The following WDFY4 variants were observed in gnomAD, a reference collection of about 807,000 sequenced individuals.
WDFY4 encodes WD repeat- and FYVE domain-containing protein 4.
WDFY4 carries 169 observed loss-of-function variants against 351.9 expected under a neutral mutation model. The observed-to-expected ratio is 0.48, with a 90% CI of 0.42 to 0.55. The LOEUF (loss-of-function observed/expected upper bound fraction) is 0.55. WDFY4 is among the 20% of genes least tolerant of loss of function. The pLI, the probability that WDFY4 is intolerant of heterozygous loss-of-function variation, is 0.00. For missense variants in WDFY4, 3,803 were observed against 3,935.6 expected, an observed-to-expected ratio of 0.97 and a Z score of 0.90; for synonymous variants, 1,622 against 1,574.6, an observed-to-expected ratio of 1.03 and a Z score of -0.71.
chr10:48,754,825 A>G (rs1342026021), intron 12 of WDFY4, among the ~76,000 whole-genome samples: 2 of 152,174 alleles, frequency 1.3e-5, no homozygotes, highest in Non-Finnish European at 2.9e-5. Context: ...CACCTTAGCT[A>G]CTCTGAGGAC....
At chr10:48,743,883 G>C (rs2064933469) in intron 12 of WDFY4, among the ~76,000 whole-genome samples, 1 of 152,022 alleles carries the variant, frequency 6.6e-6, no homozygotes, top group Admixed American at 6.5e-5. Context: ...GGCATCCCTG[G>C]GTGTGCCAGG....
intron 47 of WDFY4, among the ~76,000 whole-genome samples, chr10:48,927,128 G>A (rs1045746240): frequency 6.6e-6 from 1 of 152,142 alleles, no homozygotes; most frequent in African/African-American, 2.4e-5. Context: ...GATTTTTACC[G>A]TGTGAGCTCA....
rs551518422 is a variant in WDFY4 at position 48,867,409 on chromosome 10, T to C, written c.6741+67T>C. ...AATCCACCTTGAACCTGAAAAATAA[T>C]TGGAAGGGCCTTTGGTTTACGTTCT... On this transcript the variant is annotated intron_variant, in intron 40 of 61. Coordinates refer to ENST00000325239, the MANE Select transcript of WDFY4 (RefSeq NM_001394531.1). 5 of 1,122,756 alleles carry C rather than the reference T, an allele frequency of 4.5e-6. No individual in the cohort carries two copies. In the South Asian group the frequency reaches 7.5e-5, roughly 17 times the overall value. The allele number at this position is 1,122,756 out of a possible 1,614,324, so 69.5% of individuals were successfully genotyped here. A position where few individuals can be genotyped will look rare whatever the true frequency, so the allele number is the denominator to read the frequency against.
At chr10:48,821,734 A>T (rs532358134) in intron 34 of WDFY4, among the ~76,000 whole-genome samples, 2 of 152,252 alleles carry the variant, frequency 1.3e-5, no homozygotes, top group East Asian at 3.9e-4. Context: ...CCTACTCTGG[A>T]CTTCTCCTTG....
At chr10:48,848,820 A>G (rs942018577) in intron 39 of WDFY4, among the ~76,000 whole-genome samples, 1 of 152,192 alleles carries the variant, frequency 6.6e-6, no homozygotes. Flanking sequence ...CATGACAACA[A>G]TTAGTTTACA....
chr10:48,831,090 G>A (rs1159512639), intron 38 of WDFY4, among the ~76,000 whole-genome samples: 2 of 152,114 alleles, frequency 1.3e-5, no homozygotes, highest in Non-Finnish European at 2.9e-5. Flanking sequence ...TGAAAGCAAG[G>A]CCACAGGAGC....
At chr10:48,928,720 G>A (rs1373200616) in intron 47 of WDFY4, among the ~76,000 whole-genome samples, 1 of 152,194 alleles carries the variant, frequency 6.6e-6, no homozygotes. Context: ...GTCCACTGGA[G>A]CACCCCATCT....
chr10:48,695,015 G>C (rs2063295528), intron 1 of WDFY4, among the ~76,000 whole-genome samples: 1 of 152,148 alleles, frequency 6.6e-6, no homozygotes, highest in Non-Finnish European at 1.5e-5. Flanking sequence ...GGGTGATCCT[G>C]CTCCTTGCAT....
intron 43 of WDFY4, among the ~76,000 whole-genome samples, chr10:48,889,450 AGTAGGT>A (rs1204860258): frequency 6.6e-6 from 1 of 152,138 alleles, no homozygotes; most frequent in Non-Finnish European, 1.5e-5. Flanking sequence ...TGTGTCACTT[AGTAGGT>A]GGCTGATCTT....
chr10:48,941,973 TA>T lies in WDFY4; in HGVS notation c.7629+126del, dbSNP rs200106437. ...GGATCTTATTATTTATTATTATTAT[TA>T]TTTCTTTGAGATGGAGTTTCACTCT... On this transcript the variant is annotated intron_variant, in intron 48 of 61. Coordinates refer to ENST00000325239, the MANE Select transcript of WDFY4 (RefSeq NM_001394531.1). 4,291 of 972,508 alleles carry T rather than the reference TA, an allele frequency of 4.4e-3. 110 individuals carry two copies. The African/African-American group carries it at 0.063, about 14-fold the overall frequency. The allele number at this position is 972,508 out of a possible 1,614,324, so 60.2% of individuals were successfully genotyped here.
rs149707717 is a variant in WDFY4, at chr10:48,890,737, C to T, written c.7316+10C>T. On this transcript the variant is annotated intron_variant, in intron 44 of 61. Transcript: ENST00000325239. ...GTCACTGCTTATCCAAGTGAGTTAT[C>T]CACTTCTCCCAGCAGATTCTTCCCT... The T allele has an allele frequency of 5.2e-4, 803 of 1,551,572 alleles. 4 individuals are homozygous for T. The African/African-American group carries it at 9.4e-3, about 18-fold the overall frequency.
rs1446988009 is a variant in WDFY4 at position 48,709,775 on chromosome 10, G to A, written c.43G>A (p.Asp15Asn). Residue 15 changes from aspartate to asparagine, a missense_variant, in exon 2 of 62, where the codon GAC (aspartate) becomes AAC (asparagine). This residue lies in a region of WDFY4 where 488 missense variants were observed against 456.8 expected (regional missense o/e 1.07). Transcript: ENST00000325239. Reference sequence around the variant, plus strand: ...TTCAAAGGCTGAAGACAGAAATGAAGACCCAGGTTCCAAAAATGAAGGGCA... The same window carrying A: ...TTCAAAGGCTGAAGACAGAAATGAAAACCCAGGTTCCAAAAATGAAGGGCA... ...DLSKAEDRNE[D>N]PGSKNEGQLA... 2.6e-6 allele frequency: 4 copies of A among 1,551,956 alleles called. No homozygotes were observed. In the South Asian group the frequency reaches 4.8e-5, roughly 18 times the overall value.
chr10:48,733,373 T>A (rs900749389), intron 9 of WDFY4, among the ~76,000 whole-genome samples: 3 of 152,210 alleles, frequency 2.0e-5, no homozygotes, highest in Non-Finnish European at 4.4e-5. Context: ...TTTGCTGGCA[T>A]GGGGATTCAA....
intron 1 of WDFY4, among the ~76,000 whole-genome samples, chr10:48,694,686 T>C (rs1489156137): frequency 6.6e-6 from 1 of 152,064 alleles, no homozygotes; most frequent in Admixed American, 6.5e-5. Context: ...CAGGGCCCTC[T>C]CACCATGCAC....
chr10:48,786,437 G>A (rs551752828), intron 19 of WDFY4, among the ~76,000 whole-genome samples: 1 of 152,220 alleles, frequency 6.6e-6, no homozygotes, highest in South Asian at 2.1e-4. Flanking sequence ...TTTTCAAAAG[G>A]ACAGTATCAG....
chr10:48,971,820 C>T (rs572175874), intron 57 of WDFY4, among the ~76,000 whole-genome samples: 1 of 152,272 alleles, frequency 6.6e-6, no homozygotes, highest in Admixed American at 6.5e-5. Flanking sequence ...GTGACCTTCA[C>T]CAACTGCTGT....
intron 39 of WDFY4, among the ~76,000 whole-genome samples, chr10:48,834,455 G>A (rs1411141286): frequency 6.6e-6 from 1 of 152,242 alleles, no homozygotes; most frequent in African/African-American, 2.4e-5. Context: ...CTTGGAAGCT[G>A]TAAATGCTTT....
chr10:48,834,347 T>C (rs955120147), intron 39 of WDFY4, among the ~76,000 whole-genome samples: 2 of 152,212 alleles, frequency 1.3e-5, no homozygotes, highest in Admixed American at 1.3e-4. Context: ...TTTGTGCTGC[T>C]GAGGAGGACC....
intron 43 of WDFY4, among the ~76,000 whole-genome samples, chr10:48,885,714 TTCTC>T (rs71482870): frequency 1.3e-4 from 20 of 150,412 alleles, no homozygotes; most frequent in Non-Finnish European, 2.4e-4. Context: ...TAAGGAGATG[TTCTC>T]TCTCTCTCTC....
Sources: gnomAD v4.1 joint callset for allele counts (sites outside exome capture counted in the v4.1 genomes callset) on GRCh38, gnomAD v4.1.1 for gene constraint, gnomAD v4.1.1 regional missense constraint, MANE v1.5 for transcripts, NCBI Gene and HGNC (gene_info 2026-07-23, HGNC 2026-07-21) for gene names.